DDX21: variants seen among roughly 807,000 people sequenced by gnomAD.
DDX21 encodes DExD-box helicase 21, also known as nucleolar RNA helicase 2.
DDX21 carries 18 observed loss-of-function variants against 90.0 expected under a neutral mutation model. The observed-to-expected ratio is 0.20, with a 90% CI of 0.14 to 0.30. DDX21 has a LOEUF of 0.30. DDX21 is among the 10% of genes least tolerant of loss of function. The pLI, the probability that DDX21 is intolerant of heterozygous loss-of-function variation, is 1.00. For missense variants in DDX21, 673 were observed against 944.5 expected (o/e 0.71, Z 3.77); for synonymous variants, 294 against 318.0 (o/e 0.92, Z 0.80).
chr10:68,960,598 A>AT (rs1246689215), intron 2 of DDX21, among the ~76,000 whole-genome samples: 9 of 151,868 alleles, frequency 5.9e-5, no homozygotes, highest in African/African-American at 1.9e-4. Context: ...AGTAGGTGGG[A>AT]TTACGGGTGT....
In DDX21 at chr10:68,971,055, C is replaced by T. The variant is rs143077920; in HGVS notation, c.1386+705C>T. Among the ~76,000 whole-genome samples the T allele has an allele frequency of 2.1e-3, 307 of 146,132 alleles. 2 individuals are homozygous for T. The highest frequency in any genetic ancestry group is 3.3e-3 in the Non-Finnish European group (219 of 67,134). On this transcript the variant is annotated intron_variant, in intron 8 of 14. Coordinates refer to ENST00000354185, the MANE Select transcript of DDX21 (RefSeq NM_004728.4). ...TGGCGTGGTCTCGGATCACTGTAGC[C>T]TCAACCTCCAGGTAGCATGCACCAC...
rs368008138 is a variant in DDX21, at chr10:68,970,512, CAG to C, written c.1386+165_1386+166del. On this transcript the variant is annotated intron_variant, in intron 8 of 14. Transcript: ENST00000354185. Reference sequence around the variant, plus strand: ...TTTTTTTTTTTTTTTTTAATTGAGGCAGAGTCTCATTCTGTTACCCAGGCTGG... The same window carrying C: ...TTTTTTTTTTTTTTTTTAATTGAGGCAGTCTCATTCTGTTACCCAGGCTGG... Among the ~76,000 whole-genome samples the C allele has an allele frequency of 1.0e-4, 15 of 143,490 alleles. 1 individual carries two copies. The highest frequency in any genetic ancestry group is 4.0e-4 in the African/African-American group (15 of 37,622). The allele number at this position is 143,490 out of a possible 152,430, so 94.1% of individuals were successfully genotyped here.
intron 13 of DDX21, 149 bp downstream of exon 13, chr10:68,979,125 C>T: frequency 8.9e-7 from 1 of 1,118,568 alleles, no homozygotes; most frequent in East Asian, 2.4e-5. Context: ...CCTCAGATGC[C>T]ACTCTGCCAC....
At chr10:68,964,763 C>T (rs1332832082) in intron 4 of DDX21, among the ~76,000 whole-genome samples, 2 of 149,834 alleles carry the variant, frequency 1.3e-5, no homozygotes, top group African/African-American at 4.9e-5. Flanking sequence ...AAGTGATCCT[C>T]CCGCCTCAAC....
rs1205023472 is a variant in DDX21 at position 68,963,367 on chromosome 10, A to C, written c.684A>C (p.Ala228=). The C allele has an allele frequency of 1.2e-6, 2 of 1,614,174 alleles. No individual in the cohort carries two copies. The highest frequency in any genetic ancestry group is 2.2e-5 in the East Asian group (1 of 44,890). ...TTTACAGCGGGAAGGACTTAATTGC[A>C]CAGGCACGGACAGGAACTGGGAAGA... ...HHVYSGKDLI[A]QARTGTGKTF... is the part of the protein sequence containing the mutation. The change falls in exon 4 of 15, where the codon GCA becomes GCC. Residue 228 remains alanine (A), a synonymous_variant. Coordinates refer to ENST00000354185, the MANE Select transcript of DDX21 (RefSeq NM_004728.4).
chr10:68,964,101 G>GAAAAAAAAAAAAAA (rs750726882), intron 4 of DDX21: 4 of 237,536 alleles, frequency 1.7e-5, no homozygotes, highest in South Asian at 2.6e-5. Flanking sequence ...TCCGTCTCAA[G>GAAAAAAAAAAAAAA]AAAAAAAAAA....
At position 68,975,915 on chromosome 10, in the gene DDX21, T is replaced by C. The variant is rs188811494; in HGVS notation, c.1742+1172T>C. 4.4e-3 allele frequency among the ~76,000 whole-genome samples: 671 copies of C among 151,954 alleles called. 4 individuals carry two copies. The highest frequency in any genetic ancestry group is 7.3e-3 in the Non-Finnish European group (499 of 67,946). ...ATACAAAAAAATAGCCAGGCGTGGT[T>C]GCGCACGCCTATAATCCCAGGTACT... On this transcript the variant is annotated intron_variant, in intron 11 of 14. Coordinates refer to ENST00000354185, the MANE Select transcript of DDX21 (RefSeq NM_004728.4).
intron 13 of DDX21, among the ~76,000 whole-genome samples, chr10:68,981,058 T>C (rs1843182653): frequency 6.6e-6 from 1 of 152,202 alleles, no homozygotes; most frequent in Non-Finnish European, 1.5e-5. Flanking sequence ...ATCACTTGTT[T>C]TTCTGCTTTT....
In DDX21 at chr10:68,983,105, T is replaced by A. The variant is rs185904309; in HGVS notation, c.*293T>A. 7.5e-6 allele frequency: 3 copies of A among 397,424 alleles called. No homozygotes were observed. The highest frequency in any genetic ancestry group is 7.2e-4 in the Middle Eastern group (1 of 1,392). 24.6% of individuals were successfully genotyped at this position (397,424 alleles called of 1,614,324 possible). On this transcript the variant is annotated 3_prime_UTR_variant, in exon 15 of 15. Transcript: ENST00000354185. ...ATTAGAAGATAAAATCAAGCATGTA[T>A]CTGCCTATACTTTGTGAGTTCACCT...
intron 10 of DDX21, among the ~76,000 whole-genome samples, chr10:68,974,276 T>TA (rs1423360154): frequency 6.6e-6 from 1 of 152,144 alleles, no homozygotes. Context: ...CCCAAATATG[T>TA]AACCCTGAGC....
chr10:68,967,115 G>A lies in DDX21; in HGVS notation c.1002G>A (p.Lys334=), dbSNP rs752223563. 1.2e-6 allele frequency: 2 copies of A among 1,612,280 alleles called. No homozygotes were observed. Among genetic ancestry groups the A allele is most frequent in the South Asian group, 2.2e-5 (2 of 90,948 alleles). Residue 334 remains lysine (K), a synonymous_variant, in exon 6 of 15, where the codon AAG becomes AAA. Coordinates refer to ENST00000354185, the MANE Select transcript of DDX21 (RefSeq NM_004728.4). ...QNGKLDLTKL[K]HVVLDEVDQM... ...GCAAACTAGATCTCACCAAACTTAAGCATGTTGTCCTGGATGAAGTGGACC... is the reference window on the plus strand; with the variant it reads ...GCAAACTAGATCTCACCAAACTTAAACATGTTGTCCTGGATGAAGTGGACC...
At chr10:68,962,368 C>A (rs1188881369) in intron 3 of DDX21, among the ~76,000 whole-genome samples, 2 of 152,132 alleles carry the variant, frequency 1.3e-5, no homozygotes, top group Non-Finnish European at 2.9e-5. Context: ...TTTTCAGGCC[C>A]TCTGTGGTGG....
At chr10:68,962,607 C>T (rs12416278) in intron 3 of DDX21, among the ~76,000 whole-genome samples, 11,059 of 152,016 alleles carry the variant, frequency 0.073, 528 homozygotes, top group African/African-American at 0.13. Flanking sequence ...CAGAATGAAA[C>T]CCTGTCTCAA....
chr10:68,971,994 C>T lies in DDX21; in HGVS notation c.1490C>T (p.Ala497Val). The T allele has an allele frequency of 6.2e-7, 1 of 1,614,176 alleles. No individual in the cohort carries two copies. Among genetic ancestry groups the T allele is most frequent in the Non-Finnish European group, 8.5e-7 (1 of 1,180,026 alleles). The change falls in exon 9 of 15, where the codon GCT becomes GTT. Residue 497 changes from alanine (A) to valine (V), a missense_variant. Around this residue, in one of 4 missense-constraint regions of DDX21, gnomAD observed 26 missense variants for 76.9 expected, o/e 0.34. Transcript: ENST00000354185. ...SFGVLVATNV[A>V]ARGLDIPEVD... ...GGAGTTTTGGTGGCAACCAATGTTG[C>T]TGCACGTGGGTTAGACATCCCTGAG...
chr10:68,959,549 G>C (rs1243855506), intron 1 of DDX21, among the ~76,000 whole-genome samples: 1 of 152,120 alleles, frequency 6.6e-6, no homozygotes, highest in African/African-American at 2.4e-5. Context: ...TAGTTACTAA[G>C]GGGCACTCTT....
At chr10:68,973,300 A>G (rs1843052243) in intron 9 of DDX21, among the ~76,000 whole-genome samples, 2 of 152,206 alleles carry the variant, frequency 1.3e-5, no homozygotes, top group African/African-American at 4.8e-5. Context: ...AATTACATAT[A>G]TGCCTCTAAT....
rs1842896529 is a variant in DDX21, at chr10:68,963,286, C to T, written c.608-5C>T. 6.2e-7 allele frequency: 1 copy of T among 1,604,590 alleles called. No individual in the cohort carries two copies. Among genetic ancestry groups the T allele is most frequent in the Non-Finnish European group, 8.5e-7 (1 of 1,175,820 alleles). On this transcript the variant is annotated splice_region_variant and splice_polypyrimidine_tract_variant and intron_variant, in intron 3 of 14. Coordinates refer to ENST00000354185, the MANE Select transcript of DDX21 (RefSeq NM_004728.4). The stretch of plus-strand genomic sequence containing the variant: ...TGTGAGATAACACAGTTAATTTGTT[C>T]ATAGGCCGAGGAGTGACCTTCCTAT...
chr10:68,980,060 G>C (rs1408603475), intron 13 of DDX21, among the ~76,000 whole-genome samples: 1 of 152,124 alleles, frequency 6.6e-6, no homozygotes, highest in Non-Finnish European at 1.5e-5. Context: ...GACCAACATG[G>C]AGAAAACCTG....
chr10:68,973,997 C>G (rs1168420525), intron 10 of DDX21, among the ~76,000 whole-genome samples: 3 of 152,180 alleles, frequency 2.0e-5, no homozygotes, highest in African/African-American at 7.2e-5. Context: ...GGAGAAGAGA[C>G]TAATTTTTCC....
Sources: allele counts gnomAD v4.1 joint callset (sites outside exome capture counted in the v4.1 genomes callset), GRCh38; gene constraint gnomAD v4.1.1; regional missense constraint gnomAD v4.1.1; transcripts MANE v1.5; gene names NCBI Gene and HGNC (gene_info 2026-07-23, HGNC 2026-07-21).